Variants in DMRT1 observed in about 807,000 individuals in gnomAD.
DMRT1 encodes doublesex and mab-3 related transcription factor 1.
DMRT1 carries 7 observed loss-of-function variants against 32.3 expected under a neutral mutation model. The ratio of observed to expected loss-of-function variants is 0.22; its 90% CI spans 0.12 to 0.41. DMRT1 has a LOEUF of 0.41. Among genes scored for constraint, DMRT1 ranks in the 10% least tolerant of loss-of-function variants. The pLI is 1.00. For synonymous variants in DMRT1, 278 were observed against 206.1 expected (o/e 1.35, Z -2.99); for missense variants, 625 against 500.5 (o/e 1.25, Z -2.37).
chr9:862,476 G>A lies in DMRT1; in HGVS notation c.538+15333G>A, dbSNP rs1197021895. ...GCACAGTCCAGCCTCGGCATCAGAG[G>A]GAGACGGTGCAAAGGGGAGACGAGG... On this transcript the variant is annotated intron_variant, in intron 2 of 4. Coordinates refer to ENST00000382276, the MANE Select transcript of DMRT1 (RefSeq NM_021951.3). 2.7e-5 allele frequency among the ~76,000 whole-genome samples: 4 copies of A among 150,750 alleles called. No individual in the cohort carries two copies. The East Asian group carries it at 5.9e-4, about 22-fold the overall frequency.
At chr9:900,683 T>A (rs1372441635) in intron 3 of DMRT1, among the ~76,000 whole-genome samples, 2 of 151,824 alleles carry the variant, frequency 1.3e-5, no homozygotes, top group East Asian at 3.9e-4. Context: ...CAAAATCTAC[T>A]TAATTTTTTT....
chr9:962,734 C>A (rs1739013017), intron 4 of DMRT1, among the ~76,000 whole-genome samples: 1 of 152,050 alleles, frequency 6.6e-6, no homozygotes, highest in African/African-American at 2.4e-5. Flanking sequence ...TTTTTGCATA[C>A]CATGTTAATA....
intron 2 of DMRT1, among the ~76,000 whole-genome samples, chr9:864,661 G>C (rs765187339): frequency 2.0e-5 from 3 of 151,712 alleles, no homozygotes; most frequent in Non-Finnish European, 2.9e-5. Flanking sequence ...ACCACGCCTG[G>C]CTAATTTTTT....
chr9:929,990 G>A (rs149425250), intron 4 of DMRT1, among the ~76,000 whole-genome samples: 4 of 152,120 alleles, frequency 2.6e-5, no homozygotes, highest in Non-Finnish European at 2.9e-5. Flanking sequence ...CTGAGCTTCT[G>A]TATGCTGTGG....
chr9:962,748 AC>A (rs1025859104), intron 4 of DMRT1, among the ~76,000 whole-genome samples: 2 of 152,074 alleles, frequency 1.3e-5, no homozygotes, highest in African/African-American at 4.8e-5. Flanking sequence ...GTTAATATAA[AC>A]AAAAAAGGCT....
intron 3 of DMRT1, 142 bp downstream of exon 3, chr9:894,337 T>C (rs1019176778): frequency 2.4e-5 from 20 of 837,878 alleles, no homozygotes; most frequent in East Asian, 2.4e-5. Flanking sequence ...TACACACACA[T>C]ATGTGTGTGT....
intron 2 of DMRT1, among the ~76,000 whole-genome samples, chr9:865,199 T>C (rs1309047250): frequency 6.6e-6 from 1 of 152,186 alleles, no homozygotes; most frequent in Non-Finnish European, 1.5e-5. Context: ...TGAAGACACC[T>C]GGGAAAAGAG....
intron 4 of DMRT1, among the ~76,000 whole-genome samples, chr9:957,233 A>G (rs1039151444): frequency 2.0e-5 from 3 of 152,246 alleles, no homozygotes; most frequent in African/African-American, 7.2e-5. Context: ...AATTAAAAAT[A>G]TCATAAACAC....
intron 4 of DMRT1, among the ~76,000 whole-genome samples, chr9:919,934 C>T (rs185264733): frequency 5.6e-4 from 85 of 152,170 alleles, no homozygotes; most frequent in African/African-American, 2.0e-3. Context: ...TTGACCTGAC[C>T]AATTGGTATT....
chr9:926,227 A>G (rs1011376104), intron 4 of DMRT1, among the ~76,000 whole-genome samples: 2 of 152,226 alleles, frequency 1.3e-5, no homozygotes, highest in Admixed American at 1.3e-4. Flanking sequence ...AGATACCTTT[A>G]TGAGCACAGT....
intron 4 of DMRT1, among the ~76,000 whole-genome samples, chr9:960,358 C>G (rs1412081616): frequency 6.6e-6 from 1 of 152,114 alleles, no homozygotes; most frequent in African/African-American, 2.4e-5. Flanking sequence ...TTTTTCCTTT[C>G]TCAACCAATG....
intron 2 of DMRT1, among the ~76,000 whole-genome samples, chr9:882,745 C>A (rs1816779914): frequency 6.6e-6 from 1 of 151,190 alleles, no homozygotes; most frequent in Non-Finnish European, 1.5e-5. Flanking sequence ...AGTGGCGCCC[C>A]CGTCTCCCCT....
chr9:905,490 G>GTGTGTGTC lies in DMRT1; in HGVS notation c.823-11266_823-11265insCTGTGTGT, dbSNP rs752253862. ...CCCTTGCCCCTGTGTGTGTGTGTCT[G>GTGTGTGTC]TGTGTGTGTGTGTGTGTGTGTGTGG... On this transcript the variant is annotated intron_variant, in intron 3 of 4. Transcript: ENST00000382276. Among the ~76,000 whole-genome samples, 178 of 145,068 alleles carry GTGTGTGTC rather than the reference G, an allele frequency of 1.2e-3. 1 individual carries two copies. The highest frequency in any genetic ancestry group is 4.9e-3 in the South Asian group (22 of 4,468).
chr9:876,047 C>G (rs941055286), intron 2 of DMRT1, among the ~76,000 whole-genome samples: 1 of 152,208 alleles, frequency 6.6e-6, no homozygotes, highest in Non-Finnish European at 1.5e-5. Flanking sequence ...GCATGCTTTG[C>G]TGCACCCTTT....
chr9:852,281 T>C (rs1815177260), intron 2 of DMRT1, among the ~76,000 whole-genome samples: 1 of 117,066 alleles, frequency 8.5e-6, no homozygotes, highest in African/African-American at 2.9e-5. Flanking sequence ...CCAGCCATTT[T>C]TGGAGTATTC....
intron 3 of DMRT1, among the ~76,000 whole-genome samples, chr9:895,205 T>G (rs1389319932): frequency 6.6e-6 from 1 of 152,172 alleles, no homozygotes; most frequent in Non-Finnish European, 1.5e-5. Context: ...GAAGGGAGCG[T>G]TTATCTAGGG....
chr9:933,138 C>T (rs1818780991), intron 4 of DMRT1, among the ~76,000 whole-genome samples: 1 of 152,138 alleles, frequency 6.6e-6, no homozygotes, highest in Admixed American at 6.5e-5. Context: ...GTCTTGAAGT[C>T]CTGACCTCAG....
intron 3 of DMRT1, among the ~76,000 whole-genome samples, chr9:896,878 G>A (rs1010220500): frequency 2.0e-5 from 3 of 152,030 alleles, no homozygotes; most frequent in African/African-American, 4.8e-5. Context: ...ATTTTCCTCT[G>A]ACCCATTCTG....
At chr9:952,670 A>G (rs1212902964) in intron 4 of DMRT1, among the ~76,000 whole-genome samples, 2 of 152,236 alleles carry the variant, frequency 1.3e-5, no homozygotes, top group East Asian at 3.8e-4. Flanking sequence ...CCAATAATGC[A>G]GTGAGTGCTG....
Sources: gnomAD v4.1 joint callset for allele counts (sites outside exome capture counted in the v4.1 genomes callset) on GRCh38, gnomAD v4.1.1 for gene constraint, MANE v1.5 for transcripts, NCBI Gene and HGNC (gene_info 2026-07-23, HGNC 2026-07-21) for gene names.